The following GALNT17 variants were observed in gnomAD, a reference collection of about 807,000 sequenced individuals.
The protein encoded by GALNT17 is UDP-GalNAc:polypeptide N-acetylgalactosaminyltransferase-like 3.
Under a neutral mutation model 63.7 loss-of-function variants are expected in GALNT17, and 29 were observed. That is an observed-to-expected ratio of 0.46 (90% confidence interval 0.34 to 0.62). The LOEUF is 0.62. Ranked by LOEUF, GALNT17 falls within the 20% of genes least tolerant of loss-of-function variation. The pLI is 0.01. For missense variants in GALNT17, 603 were observed against 799.6 expected (o/e 0.75, Z 2.97); for synonymous variants, 305 against 318.3 (o/e 0.96, Z 0.45).
intron 4 of GALNT17, 48 bp from the exon 5 acceptor site, chr7:71,420,860 C>A (rs368231359): frequency 6.2e-7 from 1 of 1,603,684 alleles, no homozygotes; most frequent in East Asian, 2.2e-5. Flanking sequence ...GGGAGGTGTG[C>A]CTCACGGGAG....
At chr7:71,476,003 TATC>T (rs966793690) in intron 5 of GALNT17, among the ~76,000 whole-genome samples, 7 of 152,126 alleles carry the variant, frequency 4.6e-5, no homozygotes, top group Non-Finnish European at 1.0e-4. Flanking sequence ...TTATAATAAT[TATC>T]ATCATCATCA....
rs550030106 is a variant in GALNT17, at chr7:71,204,625, G to A, written c.238+71585G>A. ...CTGTTGCCCAGACTGGAGTGCAGTGGCACAATATCAGCTCACTGCAACCTC... is the reference window on the plus strand; with the variant it reads ...CTGTTGCCCAGACTGGAGTGCAGTGACACAATATCAGCTCACTGCAACCTC... On this transcript the variant is annotated intron_variant, in intron 1 of 10. Transcript: ENST00000333538. Among the ~76,000 whole-genome samples the A allele has an allele frequency of 2.6e-5, 4 of 151,398 alleles. No homozygotes were observed. In the South Asian group the frequency reaches 8.3e-4, roughly 32 times the overall value.
chr7:71,277,306 A>T (rs1790699881), intron 1 of GALNT17, among the ~76,000 whole-genome samples: 2 of 152,164 alleles, frequency 1.3e-5, no homozygotes. Context: ...TCGCATAGAC[A>T]TAAAGATGGA....
At chr7:71,685,948 ATTTTTTTT>A (rs3062958) in intron 9 of GALNT17, among the ~76,000 whole-genome samples, 1 of 59,816 alleles carries the variant, frequency 1.7e-5, no homozygotes, top group South Asian at 1.1e-3. Flanking sequence ...GGCAATTACT[ATTTTTTTT>A]TTTTTTTTTT....
chr7:71,178,049 A>G (rs993024688), intron 1 of GALNT17, among the ~76,000 whole-genome samples: 6 of 152,218 alleles, frequency 3.9e-5, no homozygotes, highest in Admixed American at 1.3e-4. Context: ...ATCTAGAGTC[A>G]TTTCCTTTCT....
At chr7:71,186,769 G>A (rs1187166484) in intron 1 of GALNT17, among the ~76,000 whole-genome samples, 1 of 152,162 alleles carries the variant, frequency 6.6e-6, no homozygotes, top group African/African-American at 2.4e-5. Context: ...ACTTTGGCCT[G>A]TACAAACCAA....
In GALNT17 at chr7:71,346,708, AC is replaced by A. The variant is rs1255247518; in HGVS notation, c.422+10976del. Among the ~76,000 whole-genome samples the A allele has an allele frequency of 6.4e-5, 8 of 124,562 alleles. No homozygotes were observed. The East Asian group carries it at 2.2e-3, about 34-fold the overall frequency. The allele number at this position is 124,562 out of a possible 152,430, so 81.7% of individuals were successfully genotyped here. On this transcript the variant is annotated intron_variant, in intron 2 of 10. Transcript: ENST00000333538. ...AGAAGGAAAAGAAATTCTGAGTCTT[AC>A]AGCAAGTGGACAGTTTATCTAGGGA...
intron 5 of GALNT17, among the ~76,000 whole-genome samples, chr7:71,558,690 A>T (rs1248109745): frequency 6.6e-6 from 1 of 152,216 alleles, no homozygotes; most frequent in East Asian, 1.9e-4. Flanking sequence ...ATTTACAAAA[A>T]CACTCTTCCA....
chr7:71,415,761 A>G, intron 3 of GALNT17, 128 bp from the exon 4 acceptor site: 1 of 1,065,226 alleles, frequency 9.4e-7, no homozygotes, highest in Non-Finnish European at 1.3e-6. Flanking sequence ...CTTTTCTGCC[A>G]GAATTACTAA....
At chr7:71,433,352 A>G (rs1327441977) in intron 5 of GALNT17, among the ~76,000 whole-genome samples, 1 of 152,248 alleles carries the variant, frequency 6.6e-6, no homozygotes, top group Non-Finnish European at 1.5e-5. Context: ...GGTCACCCCC[A>G]TCTGTGGAGG....
At chr7:71,522,144 G>A (rs1388234602) in intron 5 of GALNT17, among the ~76,000 whole-genome samples, 1 of 152,114 alleles carries the variant, frequency 6.6e-6, no homozygotes, top group Non-Finnish European at 1.5e-5. Flanking sequence ...TCTTCTCTTG[G>A]AGAAGAAAAC....
At chr7:71,558,617 T>C (rs1482461013) in intron 5 of GALNT17, among the ~76,000 whole-genome samples, 3 of 152,142 alleles carry the variant, frequency 2.0e-5, no homozygotes, top group Non-Finnish European at 4.4e-5. Flanking sequence ...ATACACAGTA[T>C]ATATAAAGTG....
At chr7:71,326,460 G>A (rs947973605) in intron 1 of GALNT17, among the ~76,000 whole-genome samples, 25 of 151,918 alleles carry the variant, frequency 1.6e-4, no homozygotes, top group Admixed American at 5.9e-4. Flanking sequence ...ACCCCAACTC[G>A]AAAGAAAGAA....
At chr7:71,318,232 C>G (rs1791535213) in intron 1 of GALNT17, among the ~76,000 whole-genome samples, 1 of 152,084 alleles carries the variant, frequency 6.6e-6, no homozygotes, top group Non-Finnish European at 1.5e-5. Flanking sequence ...GCAGTGGGAC[C>G]TCACATTTTT....
At chr7:71,299,041 G>A (rs758225603) in intron 1 of GALNT17, among the ~76,000 whole-genome samples, 2 of 151,978 alleles carry the variant, frequency 1.3e-5, no homozygotes, top group Non-Finnish European at 1.5e-5. Flanking sequence ...GTGAGAGGTC[G>A]GAACATTTTA....
chr7:71,450,367 A>G (rs1787239371), intron 5 of GALNT17, among the ~76,000 whole-genome samples: 1 of 152,144 alleles, frequency 6.6e-6, no homozygotes, highest in South Asian at 2.1e-4. Flanking sequence ...CGCGACCTCA[A>G]GTGATCCACC....
chr7:71,278,902 C>T (rs1283448665), intron 1 of GALNT17, among the ~76,000 whole-genome samples: 1 of 151,472 alleles, frequency 6.6e-6, no homozygotes, highest in Non-Finnish European at 1.5e-5. Context: ...CTGTGTATCT[C>T]TTTTTCCTCT....
chr7:71,534,489 C>T lies in GALNT17; in HGVS notation c.963-36796C>T, dbSNP rs28628858. On this transcript the variant is annotated intron_variant, in intron 5 of 10. Coordinates refer to ENST00000333538, the MANE Select transcript of GALNT17 (RefSeq NM_022479.3). ...TGGCGGGCGCCTGTAGTCCCAGCTA[C>T]TCGGGAGGCTGAGGCAGGAGAATGG... Among the ~76,000 whole-genome samples, 565 of 151,634 alleles carry T rather than the reference C, an allele frequency of 3.7e-3. 5 individuals are homozygous for T. The highest frequency in any genetic ancestry group is 0.013 in the African/African-American group (537 of 41,382).
chr7:71,183,568 C>T (rs1767924499), intron 1 of GALNT17, among the ~76,000 whole-genome samples: 1 of 152,096 alleles, frequency 6.6e-6, no homozygotes, highest in South Asian at 2.1e-4. Context: ...GGAGAATTCC[C>T]CATGGAGATC....
Sources: allele counts gnomAD v4.1 joint callset (sites outside exome capture counted in the v4.1 genomes callset), GRCh38; gene constraint gnomAD v4.1.1; transcripts MANE v1.5; gene names NCBI Gene and HGNC (gene_info 2026-07-23, HGNC 2026-07-21).